The following CRADD variants were observed in gnomAD, a reference collection of about 807,000 sequenced individuals.
CRADD encodes the protein death domain-containing protein CRADD.
CRADD carries 9 observed loss-of-function variants against 15.5 expected under a neutral mutation model. The ratio of observed to expected loss-of-function variants is 0.58; its 90% confidence interval spans 0.35 to 1.01. The LOEUF (loss-of-function observed/expected upper bound fraction) is 1.01. CRADD is among the 50% of genes least tolerant of loss of function. CRADD has a pLI of 0.02. For synonymous variants in CRADD, 118 were observed against 107.6 expected (o/e 1.10, Z -0.60); for missense variants, 227 against 250.3 (o/e 0.91, Z 0.63).
rs1592996311 is a variant in CRADD, at chr12:93,794,569, C to T, written c.299-55401C>T. Reference sequence around the variant, plus strand: ...TACCTGAATTCATCTACTTTCCTCTCCTCTCCTGCTACCATCCCAGTCCGA... The same window carrying T: ...TACCTGAATTCATCTACTTTCCTCTTCTCTCCTGCTACCATCCCAGTCCGA... On this transcript the variant is annotated intron_variant, in intron 2 of 2. Coordinates refer to ENST00000332896, the MANE Select transcript of CRADD (RefSeq NM_003805.5). Among the ~76,000 whole-genome samples the T allele has an allele frequency of 5.3e-5, 8 of 152,292 alleles. No individual in the cohort carries two copies. In the South Asian group the frequency reaches 1.7e-3, roughly 32 times the overall value.
chr12:93,769,304 G>A (rs1383528338), intron 2 of CRADD, among the ~76,000 whole-genome samples: 4 of 151,970 alleles, frequency 2.6e-5, no homozygotes, highest in South Asian at 2.1e-4. Flanking sequence ...GGCTAGTTTC[G>A]AACTTCTGGG....
chr12:93,701,295 G>GACACACACACAC lies in CRADD; in HGVS notation c.298+22249_298+22260dup, dbSNP rs55986038. 5.3e-3 allele frequency among the ~76,000 whole-genome samples: 762 copies of GACACACACACAC among 143,450 alleles called. 5 individuals are homozygous for GACACACACACAC. Among genetic ancestry groups the GACACACACACAC allele is most frequent in the African/African-American group, 0.017 (656 of 38,432 alleles). The allele number at this position is 143,450 out of a possible 152,430, so 94.1% of individuals were successfully genotyped here. A position where few individuals can be genotyped will look rare whatever the true frequency, so the allele number is the denominator to read the frequency against. On this transcript the variant is annotated intron_variant, in intron 2 of 2. Coordinates refer to ENST00000332896, the MANE Select transcript of CRADD (RefSeq NM_003805.5). Reference sequence around the variant, plus strand: ...CATATCCTTCTCTCTCTCTCTCTGTGACACACACACACACACACACACACA... The same window carrying GACACACACACAC: ...CATATCCTTCTCTCTCTCTCTCTGTGACACACACACACACACACACACACACACACACACACA...
At position 93,850,548 on chromosome 12, in the gene CRADD, G is replaced by A. The variant is rs1461146988; in HGVS notation, c.*277G>A. ...TTAAATGTGTAATGGCATTTTAATA[G>A]ACTAGTAAATCACAGTGGTTCAAAA... On this transcript the variant is annotated 3_prime_UTR_variant, in exon 3 of 3. Coordinates refer to ENST00000332896, the MANE Select transcript of CRADD (RefSeq NM_003805.5). The surrounding 1 kb of genome is among the most constrained non-coding windows in gnomAD (Gnocchi z 4.0). The A allele has an allele frequency of 1.5e-5, 16 of 1,096,732 alleles. No individual in the cohort carries two copies. The highest frequency in any genetic ancestry group is 6.7e-6 in the Non-Finnish European group (6 of 891,830). 67.9% of individuals were successfully genotyped at this position (1,096,732 alleles called of 1,614,324 possible).
intron 1 of CRADD, 124 bp from the exon 2 acceptor site, chr12:93,678,645 G>T (rs745935595): frequency 2.5e-5 from 24 of 951,984 alleles, no homozygotes; most frequent in Non-Finnish European, 3.4e-5. Context: ...TAAATACCAT[G>T]ACCTGGCAGT....
chr12:93,735,181 A>G (rs1024437258), intron 2 of CRADD, among the ~76,000 whole-genome samples: 4 of 152,232 alleles, frequency 2.6e-5, no homozygotes, highest in Non-Finnish European at 5.9e-5. Context: ...ATGGAAACCC[A>G]GAGCGGCACA....
intron 2 of CRADD, among the ~76,000 whole-genome samples, chr12:93,712,503 A>G (rs1956092304): frequency 6.6e-6 from 1 of 152,184 alleles, no homozygotes; most frequent in Admixed American, 6.5e-5. Context: ...GCCAGAAAAA[A>G]CATTAGTAAC....
At chr12:93,842,792 A>G (rs1367662968) in intron 2 of CRADD, among the ~76,000 whole-genome samples, 1 of 115,504 alleles carries the variant, frequency 8.7e-6, no homozygotes, top group Admixed American at 1.0e-4. Flanking sequence ...TGGAGGGGCG[A>G]GAGAATAAGT....
At chr12:93,875,281 A>G (rs1367398359) in intron 2 of CRADD, among the ~76,000 whole-genome samples, 4 of 151,512 alleles carry the variant, frequency 2.6e-5, no homozygotes, top group Middle Eastern at 3.4e-3. Flanking sequence ...TTTTCAGTCT[A>G]TGTGTGTCTT....
chr12:93,874,595 A>G (rs1958446140), intron 2 of CRADD, among the ~76,000 whole-genome samples: 3 of 151,828 alleles, frequency 2.0e-5, no homozygotes, highest in Admixed American at 2.0e-4. Context: ...TCTTAGTACT[A>G]ATTTTGCTGC....
At chr12:93,683,533 C>T (rs1376547593) in intron 2 of CRADD, among the ~76,000 whole-genome samples, 1 of 152,200 alleles carries the variant, frequency 6.6e-6, no homozygotes, top group East Asian at 1.9e-4. Context: ...CTTCTCTGGG[C>T]TTGATCTTGT....
chr12:93,797,735 T>C (rs1957435125), intron 2 of CRADD, among the ~76,000 whole-genome samples: 1 of 152,206 alleles, frequency 6.6e-6, no homozygotes, highest in African/African-American at 2.4e-5. Context: ...TTACAATTTT[T>C]TTATTGCACA....
chr12:93,685,228 T>G (rs1955403685), intron 2 of CRADD, among the ~76,000 whole-genome samples: 1 of 152,152 alleles, frequency 6.6e-6, no homozygotes, highest in Non-Finnish European at 1.5e-5. Context: ...AAGTTCCTTT[T>G]AAAAATACAT....
chr12:93,762,365 T>C (rs1248565721), intron 2 of CRADD, among the ~76,000 whole-genome samples: 1 of 152,230 alleles, frequency 6.6e-6, no homozygotes, highest in Non-Finnish European at 1.5e-5. Context: ...ATTGGAGAGA[T>C]ATGTCTGGCT....
chr12:93,758,927 T>G (rs1167137843), intron 2 of CRADD, among the ~76,000 whole-genome samples: 1 of 152,222 alleles, frequency 6.6e-6, no homozygotes, highest in African/African-American at 2.4e-5. Flanking sequence ...AAATAAGTTC[T>G]TGTAATCATT....
intron 2 of CRADD, among the ~76,000 whole-genome samples, chr12:93,889,474 G>A (rs1383641623): frequency 6.6e-6 from 1 of 152,100 alleles, no homozygotes; most frequent in Admixed American, 6.5e-5. Flanking sequence ...ATAAAAGGGG[G>A]CATCTTTTCT....
At chr12:93,894,771 A>C (rs1958600957), downstream of CRADD, 1 of 152,816 alleles carries the variant, frequency 6.5e-6, no homozygotes, top group Non-Finnish European at 1.5e-5. Flanking sequence ...ACACCTGGGA[A>C]TAGGCCGGGG....
chr12:93,747,442 TC>T (rs1249379127), intron 2 of CRADD, among the ~76,000 whole-genome samples: 4 of 151,894 alleles, frequency 2.6e-5, no homozygotes, highest in Non-Finnish European at 5.9e-5. Context: ...TCTCTTTTTT[TC>T]CTTCCTCTTA....
intron 2 of CRADD, among the ~76,000 whole-genome samples, chr12:93,884,972 C>T (rs548819065): frequency 6.6e-6 from 1 of 152,278 alleles, no homozygotes; most frequent in South Asian, 2.1e-4. Context: ...TGGTCCCACA[C>T]TCTGACCAAT....
chr12:93,827,505 C>T (rs1818230870), intron 2 of CRADD, among the ~76,000 whole-genome samples: 1 of 152,158 alleles, frequency 6.6e-6, no homozygotes, highest in South Asian at 2.1e-4. Context: ...ACAAATAAAG[C>T]TGCCGGGAAC....
Sources: gnomAD v4.1 joint callset for allele counts (sites outside exome capture counted in the v4.1 genomes callset) on GRCh38, gnomAD v4.1.1 for gene constraint, Gnocchi (gnomAD v3.1) non-coding constraint, MANE v1.5 for transcripts, NCBI Gene and HGNC (gene_info 2026-07-23, HGNC 2026-07-21) for gene names.